Variants in BNIP2 observed in about 807,000 individuals in gnomAD.
The protein encoded by BNIP2 is BCL2/adenovirus E1B 19 kDa protein-interacting protein 2.
A neutral mutation model predicts 43.4 loss-of-function variants in BNIP2; 36 were observed. The ratio of observed to expected loss-of-function variants is 0.83; its 90% CI spans 0.64 to 1.10. The LOEUF is 1.10. Among genes scored for constraint, BNIP2 ranks in the 50% least tolerant of loss-of-function variants. The pLI, the probability that BNIP2 is intolerant of heterozygous loss-of-function variation, is 0.00. For synonymous variants in BNIP2, 146 were observed against 121.0 expected (o/e 1.21, Z -1.35); for missense variants, 417 against 374.1 (o/e 1.11, Z -0.95).
At chr15:59,685,021 G>C (rs879741586) in intron 1 of BNIP2, among the ~76,000 whole-genome samples, 1 of 152,162 alleles carries the variant, frequency 6.6e-6, no homozygotes, top group Admixed American at 6.5e-5. Context: ...AATAGGATTT[G>C]TCATGTGTTA....
At chr15:59,674,766 A>C (rs1255379855) in intron 5 of BNIP2, among the ~76,000 whole-genome samples, 4 of 152,220 alleles carry the variant, frequency 2.6e-5, no homozygotes, top group Non-Finnish European at 5.9e-5. Context: ...CTAACATTCT[A>C]GCACTATTTA....
At position 59,677,305 on chromosome 15, in the gene BNIP2, C is replaced by T. The variant is rs1360777396; in HGVS notation, c.472+606G>A. 11 of 1,577,070 alleles carry T rather than the reference C, an allele frequency of 7.0e-6. No individual in the cohort carries two copies. The Admixed American group carries it at 9.0e-5, about 13-fold the overall frequency. ...GGGATCCTGGCACACCAGAAAGCCA[C>T]ATCAACAAGCCCATGAGCCCCAGCG... is the stretch of plus-strand genomic sequence containing the variant. On this transcript the variant is annotated intron_variant, in intron 5 of 9. Transcript: ENST00000607373.
chr15:59,677,671 C>T (rs1331989714), intron 5 of BNIP2: 37 of 1,188,316 alleles, frequency 3.1e-5, no homozygotes, highest in Non-Finnish European at 3.7e-5. Context: ...GGGAAACTGA[C>T]ATCAGATGTC....
chr15:59,671,980 G>A (rs1395461071), intron 6 of BNIP2, among the ~76,000 whole-genome samples: 1 of 152,200 alleles, frequency 6.6e-6, no homozygotes, highest in Non-Finnish European at 1.5e-5. Context: ...GGAGGCTGAG[G>A]TAGGAGGATG....
chr15:59,686,573 G>C (rs1023180490), intron 1 of BNIP2, among the ~76,000 whole-genome samples: 1 of 152,074 alleles, frequency 6.6e-6, no homozygotes, highest in East Asian at 1.9e-4. Context: ...AAACAAAAAG[G>C]TTTCATTCTA....
At chr15:59,688,903 G>A in intron 1 of BNIP2, 1 of 1,469,676 alleles carries the variant, frequency 6.8e-7, no homozygotes, top group Non-Finnish European at 8.9e-7. Flanking sequence ...CGGGGTGGGG[G>A]GCCAAACTGC....
At chr15:59,674,113 C>CAAA (rs1214561348) in intron 5 of BNIP2, among the ~76,000 whole-genome samples, 1 of 122,364 alleles carries the variant, frequency 8.2e-6, no homozygotes, top group South Asian at 2.8e-4. Flanking sequence ...AAAACAAAAA[C>CAAA]AAAAAAACAA....
chr15:59,667,140 TAA>T (rs1179572700), intron 9 of BNIP2, among the ~76,000 whole-genome samples: 1 of 152,242 alleles, frequency 6.6e-6, no homozygotes, highest in African/African-American at 2.4e-5. Context: ...ATTTCTATGT[TAA>T]AGTGTTGGTT....
At position 59,671,269 on chromosome 15, in the gene BNIP2, C is replaced by G. The variant is rs1183307259; in HGVS notation, c.621G>C (p.Met207Ile). The G allele has an allele frequency of 1.3e-6, 2 of 1,596,782 alleles. No individual in the cohort carries two copies. Among genetic ancestry groups the G allele is most frequent in the Non-Finnish European group, 1.7e-6 (2 of 1,170,344 alleles). Reference sequence around the variant, plus strand: ...TTGTTGCACCATTTAAATAAACTATCATGTAGTTTTCTGCTACTAATAGCT... The same window carrying G: ...TTGTTGCACCATTTAAATAAACTATGATGTAGTTTTCTGCTACTAATAGCT... The part of the protein sequence containing the change: ...TLELLVAENY[M>I]IVYLNGATTR... The change falls in exon 7 of 10, where the codon ATG (methionine) becomes ATC (isoleucine). Residue 207 changes from methionine (M) to isoleucine (I), a missense_variant. Coordinates refer to ENST00000607373, the MANE Select transcript of BNIP2 (RefSeq NM_004330.4).
At chr15:59,678,756 G>A in intron 4 of BNIP2, 2 of 1,291,270 alleles carry the variant, frequency 1.5e-6, no homozygotes, top group East Asian at 5.7e-5. Context: ...ACCAAAAGAT[G>A]GGGGGAGGGG....
chr15:59,683,716 G>C (rs1255361057), intron 1 of BNIP2, among the ~76,000 whole-genome samples: 1 of 152,200 alleles, frequency 6.6e-6, no homozygotes, highest in Non-Finnish European at 1.5e-5. Flanking sequence ...CTACTTGGGA[G>C]GCTGAGGCAG....
rs1892272459 is a variant in BNIP2, at chr15:59,661,519, A to C, written c.*2550T>G. The C allele has an allele frequency of 6.6e-6, 1 of 152,124 alleles. No individual in the cohort carries two copies. The highest frequency in any genetic ancestry group is 1.5e-5 in the Non-Finnish European group (1 of 68,032). 9.4% of individuals were successfully genotyped at this position (152,124 alleles called of 1,614,324 possible). ...CTCTGAGTTAAAGATTGTTAAGCTT[A>C]AATTGTGGGGTGAATAGAACGTCTT... On this transcript the variant is annotated 3_prime_UTR_variant, in exon 10 of 10. Transcript: ENST00000607373.
At chr15:59,683,301 G>A (rs568053435) in intron 1 of BNIP2, among the ~76,000 whole-genome samples, 2 of 152,276 alleles carry the variant, frequency 1.3e-5, no homozygotes, top group Admixed American at 1.3e-4. Flanking sequence ...AGAAGTTGAG[G>A]TAAGGTAAAG....
chr15:59,671,094 A>G (rs1892874834), intron 7 of BNIP2, 89 bp downstream of exon 7: 8 of 1,302,610 alleles, frequency 6.1e-6, no homozygotes, highest in Non-Finnish European at 8.2e-6. Context: ...AAAGTTAAAA[A>G]AAAAAAATAG....
In BNIP2 at chr15:59,661,901, T is replaced by C. The variant is rs1189432970; in HGVS notation, c.*2168A>G. 2 of 152,340 alleles carry C rather than the reference T, an allele frequency of 1.3e-5. No individual in the cohort carries two copies. 9.4% of individuals were successfully genotyped at this position (152,340 alleles called of 1,614,324 possible). A position where few individuals can be genotyped will look rare whatever the true frequency, so the allele number is the denominator to read the frequency against. On this transcript the variant is annotated 3_prime_UTR_variant, in exon 10 of 10. Transcript: ENST00000607373. ...TACCAGATTCCATTAAGGTGCAGGT[T>C]AAAGCAGGTATCCCTTTAGTTTACT...
At position 59,660,901 on chromosome 15, in the gene BNIP2, ATTC is replaced by A. The variant is rs1347297756; in HGVS notation, c.*3165_*3167del. 2 of 152,216 alleles carry A rather than the reference ATTC, an allele frequency of 1.3e-5. No individual in the cohort carries two copies. The highest frequency in any genetic ancestry group is 1.3e-4 in the Admixed American group (2 of 15,286). The allele number at this position is 152,216 out of a possible 1,614,324, so 9.4% of individuals were successfully genotyped here. A position where few individuals can be genotyped will look rare whatever the true frequency, so the allele number is the denominator to read the frequency against. On this transcript the variant is annotated 3_prime_UTR_variant, in exon 10 of 10. Transcript: ENST00000607373. ...AGAGACAAAGAAAGAGAAAATATGA[ATTC>A]TTATCATGGGTATGTATTATCAACT...
chr15:59,663,081 T>C lies in BNIP2; in HGVS notation c.*988A>G, dbSNP rs1892362111. The C allele has an allele frequency of 6.6e-6, 1 of 152,626 alleles. No homozygotes were observed. Among genetic ancestry groups the C allele is most frequent in the Non-Finnish European group, 1.5e-5 (1 of 68,044 alleles). The allele number at this position is 152,626 out of a possible 1,614,324, so 9.5% of individuals were successfully genotyped here. On this transcript the variant is annotated 3_prime_UTR_variant, in exon 10 of 10. Coordinates refer to ENST00000607373, the MANE Select transcript of BNIP2 (RefSeq NM_004330.4). ...ACAACTACCGAGTTCAAATAATTGA[T>C]ATGGAAGTATTTTGGTAAAGTGCCC... is the stretch of plus-strand genomic sequence containing the variant.
At chr15:59,686,239 G>C (rs1317856992) in intron 1 of BNIP2, among the ~76,000 whole-genome samples, 1 of 152,188 alleles carries the variant, frequency 6.6e-6, no homozygotes, top group African/African-American at 2.4e-5. Flanking sequence ...AGCAACATAA[G>C]CAAAAATTAA....
In BNIP2 at chr15:59,659,931, T is replaced by G. The variant is rs1470071534; in HGVS notation, c.*4138A>C. ...CTTACTGTTAAACATGCCAGACTAC[T>G]TTATTTTCAATTATCCTTTAGAACT... On this transcript the variant is annotated 3_prime_UTR_variant, in exon 10 of 10. Transcript: ENST00000607373. 1 of 152,232 alleles carries G rather than the reference T, an allele frequency of 6.6e-6. No individual in the cohort carries two copies. Among genetic ancestry groups the G allele is most frequent in the Non-Finnish European group, 1.5e-5 (1 of 68,038 alleles). 9.4% of individuals were successfully genotyped at this position (152,232 alleles called of 1,614,324 possible).
Sources: allele counts gnomAD v4.1 joint callset (sites outside exome capture counted in the v4.1 genomes callset), GRCh38; gene constraint gnomAD v4.1.1; transcripts MANE v1.5; gene names NCBI Gene and HGNC (gene_info 2026-07-23, HGNC 2026-07-21).